Variants in SPRR2G observed in about 807,000 individuals in gnomAD.
The protein encoded by SPRR2G is small proline-rich protein 2G.
A neutral mutation model predicts 0.7 loss-of-function variants in SPRR2G; 1 was observed. The observed-to-expected ratio is 1.49, with a 90% CI of 0.53 to 7.06. SPRR2G has a LOEUF of 7.06. SPRR2G is among the 30% of genes most tolerant of loss of function. The pLI, the probability that SPRR2G is intolerant of heterozygous loss-of-function variation, is 0.14. For synonymous variants in SPRR2G, 38 were observed against 33.9 expected (o/e 1.12, Z -0.42); for missense variants, 96 against 88.5 (o/e 1.09, Z -0.34).
At chr1:153,177,421 A>G in the SPRR2G span, among the ~76,000 whole-genome samples, 1 of 152,204 alleles carries the variant, frequency 6.6e-6, no homozygotes, top group African/African-American at 2.4e-5. Flanking sequence ...AGAAACCGCC[A>G]AATTGTTTTC....
chr1:153,186,965 T>C, the SPRR2G span, among the ~76,000 whole-genome samples: 1 of 152,208 alleles, frequency 6.6e-6, no homozygotes, highest in Non-Finnish European at 1.5e-5. Flanking sequence ...TGAAACTTAG[T>C]TTGGCTGGAT....
chr1:153,153,846 ATAGAAT>A (rs979686557), upstream of SPRR2G, among the ~76,000 whole-genome samples: 6 of 152,162 alleles, frequency 3.9e-5, no homozygotes, highest in Non-Finnish European at 7.4e-5. Context: ...TTTAAAAATA[ATAGAAT>A]TAGAAATGAA....
the SPRR2G span, among the ~76,000 whole-genome samples, chr1:153,167,093 A>T: frequency 6.6e-6 from 1 of 152,170 alleles, no homozygotes; most frequent in Non-Finnish European, 1.5e-5. Context: ...AATATATATG[A>T]GATATTTGGA....
the SPRR2G span, among the ~76,000 whole-genome samples, chr1:153,166,149 A>G: frequency 6.6e-6 from 1 of 151,976 alleles, no homozygotes; most frequent in Admixed American, 6.6e-5. Context: ...CCTTGTACCT[A>G]TATACTGGGT....
the SPRR2G span, among the ~76,000 whole-genome samples, chr1:153,193,273 T>C: frequency 6.6e-6 from 1 of 152,262 alleles, no homozygotes; most frequent in East Asian, 1.9e-4. Flanking sequence ...CCCCCACCGA[T>C]CATCCAAATG....
At chr1:153,151,827 G>A (rs1011032245), upstream of SPRR2G, among the ~76,000 whole-genome samples, 19 of 152,248 alleles carry the variant, frequency 1.2e-4, no homozygotes, top group African/African-American at 4.1e-4. Context: ...TTACTTCATG[G>A]ATGTTTTTAC....
chr1:153,186,025 T>G, the SPRR2G span, among the ~76,000 whole-genome samples: 8,447 of 152,266 alleles, frequency 0.055, 817 homozygotes, highest in African/African-American at 0.19. Flanking sequence ...TGTTCAGTTT[T>G]GAGTGAGTTT....
chr1:153,174,877 A>C, the SPRR2G span, among the ~76,000 whole-genome samples: 1 of 152,196 alleles, frequency 6.6e-6, no homozygotes, highest in African/African-American at 2.4e-5. Context: ...TGCTAGCTGA[A>C]AATGACCTGG....
chr1:153,188,183 C>G, the SPRR2G span, among the ~76,000 whole-genome samples: 2 of 152,156 alleles, frequency 1.3e-5, no homozygotes, highest in East Asian at 3.9e-4. Context: ...GCACAGGGGT[C>G]AGGGACCCAC....
the SPRR2G span, among the ~76,000 whole-genome samples, chr1:153,188,577 A>G: frequency 0.027 from 4,084 of 152,308 alleles, 150 homozygotes; most frequent in African/African-American, 0.081. Context: ...CTGTGCTGGC[A>G]GCAAGAATTT....
the SPRR2G span, among the ~76,000 whole-genome samples, chr1:153,181,602 A>G: frequency 1.7e-3 from 254 of 152,128 alleles, 3 homozygotes; most frequent in African/African-American, 6.0e-3. Context: ...TCTGGTAACT[A>G]TCATTCTATT....
the SPRR2G span, among the ~76,000 whole-genome samples, chr1:153,186,229 T>A: frequency 4.6e-5 from 7 of 152,216 alleles, no homozygotes; most frequent in Admixed American, 2.6e-4. Context: ...GTCTATTAGG[T>A]CTGCTTGGTC....
the SPRR2G span, among the ~76,000 whole-genome samples, chr1:153,187,441 C>T: frequency 6.6e-6 from 1 of 151,950 alleles, no homozygotes; most frequent in Non-Finnish European, 1.5e-5. Flanking sequence ...TGCTTTATTT[C>T]ATTAAGTTGA....
the SPRR2G span, among the ~76,000 whole-genome samples, chr1:153,202,272 C>T: frequency 6.6e-6 from 1 of 152,184 alleles, no homozygotes; most frequent in Non-Finnish European, 1.5e-5. Flanking sequence ...GAAGAGATAA[C>T]TTCCCATGCC....
chr1:153,160,121 A>T, the SPRR2G span, among the ~76,000 whole-genome samples: 9 of 152,180 alleles, frequency 5.9e-5, no homozygotes, highest in Non-Finnish European at 1.3e-4. Flanking sequence ...ATAGGTCTGG[A>T]TATTTTAGAA....
At chr1:153,196,183 CTTAA>C in the SPRR2G span, among the ~76,000 whole-genome samples, 1 of 152,176 alleles carries the variant, frequency 6.6e-6, no homozygotes, top group Non-Finnish European at 1.5e-5. Context: ...ATTCATCTTA[CTTAA>C]TTATTTTATG....
the SPRR2G span, among the ~76,000 whole-genome samples, chr1:153,163,833 A>T: frequency 1.3e-5 from 2 of 152,146 alleles, no homozygotes; most frequent in Non-Finnish European, 2.9e-5. Context: ...TCTTGAGCAC[A>T]GTGTATCCAA....
At chr1:153,152,886 C>G (rs1026120025), upstream of SPRR2G, among the ~76,000 whole-genome samples, 2 of 152,114 alleles carry the variant, frequency 1.3e-5, no homozygotes, top group African/African-American at 4.8e-5. Flanking sequence ...TTTGGTTTAT[C>G]ATTTATGCTT....
the SPRR2G span, among the ~76,000 whole-genome samples, chr1:153,199,466 C>T: frequency 6.6e-6 from 1 of 152,212 alleles, no homozygotes; most frequent in Admixed American, 6.5e-5. Flanking sequence ...GCCATAAGCA[C>T]CTGCCAAGCC....
Sources: gnomAD v4.1 joint callset for allele counts (sites outside exome capture counted in the v4.1 genomes callset) on GRCh38, gnomAD v4.1.1 for gene constraint, MANE v1.5 for transcripts, NCBI Gene and HGNC (gene_info 2026-07-23, HGNC 2026-07-21) for gene names.